Variants in SORCS1 observed in about 807,000 individuals in gnomAD.
The protein encoded by SORCS1 is VPS10 domain-containing receptor SorCS1.
Under a neutral mutation model 146.1 loss-of-function variants are expected in SORCS1, and 60 were observed. That is an observed-to-expected ratio of 0.41 (90% CI 0.33 to 0.51). SORCS1 has a LOEUF of 0.51. Among genes scored for constraint, SORCS1 ranks in the 20% least tolerant of loss-of-function variants. The pLI is 0.21. For synonymous variants in SORCS1, 637 were observed against 584.0 expected (o/e 1.09, Z -1.31); for missense variants, 1,352 against 1,487.6 (o/e 0.91, Z 1.50).
At chr10:107,152,460 C>T (rs773980563) in intron 1 of SORCS1, among the ~76,000 whole-genome samples, 11 of 152,188 alleles carry the variant, frequency 7.2e-5, no homozygotes, top group Non-Finnish European at 1.5e-4. Flanking sequence ...GGAAAAGCTA[C>T]AGACACTCAA....
intron 2 of SORCS1, among the ~76,000 whole-genome samples, chr10:106,841,866 T>A (rs1164645697): frequency 6.6e-6 from 1 of 152,262 alleles, no homozygotes; most frequent in Admixed American, 6.5e-5. Context: ...GTTTCGACAA[T>A]TATAAATAAA....
chr10:106,596,989 C>T (rs975129767), intron 24 of SORCS1, among the ~76,000 whole-genome samples: 5 of 152,026 alleles, frequency 3.3e-5, no homozygotes, highest in African/African-American at 1.2e-4. Context: ...GTAGCTGGGA[C>T]TACAGGCATG....
chr10:107,143,725 T>C (rs1212296588), intron 1 of SORCS1, among the ~76,000 whole-genome samples: 2 of 152,070 alleles, frequency 1.3e-5, no homozygotes, highest in Admixed American at 1.3e-4. Flanking sequence ...AGGCTAGTCT[T>C]GACCTCCTGA....
intron 1 of SORCS1, among the ~76,000 whole-genome samples, chr10:106,975,482 A>G (rs1955953716): frequency 6.6e-6 from 1 of 152,258 alleles, no homozygotes; most frequent in African/African-American, 2.4e-5. Context: ...ACCCTTGGGA[A>G]GAAATGAATC....
At chr10:106,614,404 A>C (rs1847214499) in intron 21 of SORCS1, among the ~76,000 whole-genome samples, 1 of 152,200 alleles carries the variant, frequency 6.6e-6, no homozygotes, top group African/African-American at 2.4e-5. Flanking sequence ...GAAGACTCTG[A>C]CTTTATAAGG....
rs757667137 is a variant in SORCS1, at chr10:106,665,730, A to C, written c.2303+1959T>G. Among the ~76,000 whole-genome samples the C allele has an allele frequency of 6.6e-5, 10 of 152,262 alleles. No individual in the cohort carries two copies. In the South Asian group the frequency reaches 1.0e-3, roughly 16 times the overall value. On this transcript the variant is annotated intron_variant, in intron 17 of 25. Transcript: ENST00000263054. ...AACCAAAATGACTTTATCATGCCTAAATATATAATTCTTTAATATCACCTA... is the reference window on the plus strand; with the variant it reads ...AACCAAAATGACTTTATCATGCCTACATATATAATTCTTTAATATCACCTA...
At chr10:106,620,271 T>C (rs1283217059) in intron 20 of SORCS1, 157 bp downstream of exon 20, 9 of 810,116 alleles carry the variant, frequency 1.1e-5, no homozygotes, top group Non-Finnish European at 1.7e-5. Flanking sequence ...AGAGAGAACA[T>C]AATGATGAGA....
At chr10:107,165,292 A>T (rs12776679), upstream of SORCS1, among the ~76,000 whole-genome samples, 26 of 142,786 alleles carry the variant, frequency 1.8e-4, no homozygotes, top group Middle Eastern at 3.5e-3. The surrounding 1 kb of genome is among the most constrained non-coding windows in gnomAD (Gnocchi z 4.0). Context: ...CTCGTGTGTG[A>T]GTGTGTGTGT....
At chr10:106,579,063 C>T in intron 25 of SORCS1, 1 of 1,611,636 alleles carries the variant, frequency 6.2e-7, no homozygotes, top group Non-Finnish European at 8.5e-7. Flanking sequence ...CTCAGCCGAA[C>T]AGCTGGTGGC....
chr10:106,786,683 A>AAC (rs998569348), intron 3 of SORCS1, among the ~76,000 whole-genome samples: 2 of 151,678 alleles, frequency 1.3e-5, no homozygotes, highest in Non-Finnish European at 1.5e-5. Context: ...CACACACACA[A>AAC]ACACACACAC....
chr10:107,045,873 G>A (rs755872084), intron 1 of SORCS1, among the ~76,000 whole-genome samples: 25 of 149,720 alleles, frequency 1.7e-4, no homozygotes, highest in Non-Finnish European at 3.0e-4. Flanking sequence ...AACTTTGAAC[G>A]CCTGAGCTCA....
At chr10:106,873,423 C>T (rs553948302) in intron 2 of SORCS1, among the ~76,000 whole-genome samples, 1 of 152,192 alleles carries the variant, frequency 6.6e-6, no homozygotes, top group South Asian at 2.1e-4. Context: ...TGTTGGGCTT[C>T]AAGGACTGAA....
At chr10:107,154,252 C>T (rs892704632) in intron 1 of SORCS1, among the ~76,000 whole-genome samples, 1 of 152,104 alleles carries the variant, frequency 6.6e-6, no homozygotes, top group African/African-American at 2.4e-5. Flanking sequence ...ATCTGCCCGC[C>T]TCAGCCTCCC....
chr10:107,107,278 T>C (rs1965373645), intron 1 of SORCS1, among the ~76,000 whole-genome samples: 1 of 152,148 alleles, frequency 6.6e-6, no homozygotes, highest in African/African-American at 2.4e-5. Context: ...TCTTAGAAAA[T>C]ACCTATGTAA....
At chr10:107,178,685 G>C in the SORCS1 span, among the ~76,000 whole-genome samples, 3 of 151,784 alleles carry the variant, frequency 2.0e-5, no homozygotes, top group Non-Finnish European at 4.4e-5. Context: ...GATAGGTTTC[G>C]CCTTGTTGGC....
chr10:106,900,282 C>A (rs982545893), intron 2 of SORCS1, among the ~76,000 whole-genome samples: 1 of 152,120 alleles, frequency 6.6e-6, no homozygotes, highest in Admixed American at 6.5e-5. Context: ...TCCCCGGTAC[C>A]TTTCCCTGTG....
At chr10:106,647,042 T>TAC (rs1849503327) in intron 18 of SORCS1, among the ~76,000 whole-genome samples, 1 of 143,226 alleles carries the variant, frequency 7.0e-6, no homozygotes, top group African/African-American at 2.6e-5. Flanking sequence ...TATATATATA[T>TAC]GGTAATGTCA....
At chr10:106,607,374 G>C in intron 22 of SORCS1, 77 bp from the exon 23 acceptor site, 1 of 1,569,090 alleles carries the variant, frequency 6.4e-7, no homozygotes, top group South Asian at 1.2e-5. Context: ...TTGGTGGGGG[G>C]ATCAGGGGTA....
intron 1 of SORCS1, among the ~76,000 whole-genome samples, chr10:107,128,843 A>T (rs1245468646): frequency 6.6e-6 from 1 of 152,150 alleles, no homozygotes; most frequent in Non-Finnish European, 1.5e-5. Context: ...AATCTCCAAT[A>T]AGGTGTCCTG....
Sources: gnomAD v4.1 joint callset for allele counts (sites outside exome capture counted in the v4.1 genomes callset) on GRCh38, gnomAD v4.1.1 for gene constraint, Gnocchi (gnomAD v3.1) non-coding constraint, MANE v1.5 for transcripts, NCBI Gene and HGNC (gene_info 2026-07-23, HGNC 2026-07-21) for gene names.